SPON1: variants seen among roughly 807,000 people sequenced by gnomAD.
SPON1 encodes the protein spondin 1.
In SPON1, 52 loss-of-function variants were observed where a neutral mutation model predicts 111.7. The ratio of observed to expected loss-of-function variants is 0.47; its 90% CI spans 0.37 to 0.59. SPON1 has a LOEUF of 0.59. Among genes scored for constraint, SPON1 ranks in the 20% least tolerant of loss-of-function variants. The pLI is 0.00. For synonymous variants in SPON1, 410 were observed against 395.8 expected (o/e 1.04, Z -0.43); for missense variants, 957 against 1,068.5 (o/e 0.90, Z 1.46).
chr11:14,154,769 C>T lies in SPON1; in HGVS notation c.825+19201C>T, dbSNP rs184986984. ...AAGTTTTCCAAACTTTTATGCTGTA[C>T]TTCCCTTTTAAGTATAAGTTTTAGT... is the stretch of plus-strand genomic sequence containing the variant. On this transcript the variant is annotated intron_variant, in intron 6 of 15. Transcript: ENST00000576479. Among the ~76,000 whole-genome samples the T allele has an allele frequency of 3.4e-3, 516 of 152,310 alleles. 2 individuals carry two copies. The highest frequency in any genetic ancestry group is 0.011 in the African/African-American group (476 of 41,572).
intron 6 of SPON1, among the ~76,000 whole-genome samples, chr11:14,206,361 T>A (rs1267369411): frequency 1.3e-5 from 2 of 152,136 alleles, no homozygotes; most frequent in African/African-American, 4.8e-5. Context: ...ACCTGGGTAA[T>A]TTTTGTAATT....
At chr11:14,143,041 T>G (rs964681333) in intron 6 of SPON1, among the ~76,000 whole-genome samples, 1 of 152,228 alleles carries the variant, frequency 6.6e-6, no homozygotes, top group African/African-American at 2.4e-5. Flanking sequence ...TGGCCCCAAA[T>G]GGTAGCCATA....
At chr11:14,090,818 T>G (rs1849045544) in intron 5 of SPON1, among the ~76,000 whole-genome samples, 2 of 108,844 alleles carry the variant, frequency 1.8e-5, no homozygotes, top group East Asian at 3.6e-4. Context: ...TTTATTCTCT[T>G]ATCTGGCCCC....
At chr11:14,022,905 A>C (rs537126418) in intron 2 of SPON1, among the ~76,000 whole-genome samples, 43 of 152,358 alleles carry the variant, frequency 2.8e-4, no homozygotes, top group African/African-American at 9.9e-4. Flanking sequence ...AAGCAGGTTC[A>C]TGTAGGTTCA....
At chr11:14,101,357 G>A (rs954383215) in intron 5 of SPON1, among the ~76,000 whole-genome samples, 2 of 152,158 alleles carry the variant, frequency 1.3e-5, no homozygotes, top group South Asian at 4.2e-4. Context: ...CAGAGATCAT[G>A]CCATTGCACT....
chr11:13,998,679 G>C (rs1262533830), intron 2 of SPON1, among the ~76,000 whole-genome samples: 3 of 152,084 alleles, frequency 2.0e-5, no homozygotes, highest in African/African-American at 7.2e-5. Flanking sequence ...GTACTCCCCT[G>C]GCCTCACCAA....
At chr11:14,240,050 A>G (rs1554939525) in intron 6 of SPON1, among the ~76,000 whole-genome samples, 1 of 152,224 alleles carries the variant, frequency 6.6e-6, no homozygotes, top group Non-Finnish European at 1.5e-5. Flanking sequence ...TACGTACATG[A>G]GTCTTCATCA....
rs1387386242 is a variant in SPON1, at chr11:14,135,482, G to T, written c.739G>T (p.Glu247Ter). The T allele has an allele frequency of 6.2e-7, 1 of 1,613,844 alleles. No individual in the cohort carries two copies. The highest frequency in any genetic ancestry group is 1.1e-5 in the South Asian group (1 of 91,080). Residue 247 changes from glutamate to a stop codon, truncating the protein, a stop_gained, in exon 6 of 16, where the codon GAA becomes TAA. Coordinates refer to ENST00000576479, the MANE Select transcript of SPON1 (RefSeq NM_006108.4). LOFTEE classifies it high-confidence loss of function. This position sits in a 1 kb window ranked among gnomAD's most constrained non-coding sequence, Gnocchi z 4.4. ...CCACTCCAAGAATTATGTACTGTGG[G>T]AATATGGAGGATATGCCAGCGAAGG... Reference protein sequence around the residue: ...GSHSKNYVLWEYGGYASEGVK... With the variant: ...GSHSKNYVLW
chr11:14,212,982 A>T lies in SPON1; in HGVS notation c.826-30350A>T, dbSNP rs182399769. ...CAAAATGTGGAAGTGTAGTCCTTAT[A>T]TTCATAGTCAGTAAACACAGTCTCC... On this transcript the variant is annotated intron_variant, in intron 6 of 15. Coordinates refer to ENST00000576479, the MANE Select transcript of SPON1 (RefSeq NM_006108.4). Among the ~76,000 whole-genome samples, 73 of 152,312 alleles carry T rather than the reference A, an allele frequency of 4.8e-4. 1 individual carries two copies. Among genetic ancestry groups the T allele is most frequent in the Non-Finnish European group, 6.3e-4 (43 of 68,034 alleles).
At chr11:14,039,546 A>T (rs1046296985) in intron 2 of SPON1, among the ~76,000 whole-genome samples, 6 of 152,230 alleles carry the variant, frequency 3.9e-5, no homozygotes, top group Non-Finnish European at 8.8e-5. Flanking sequence ...ATGTTTTTTT[A>T]AAAAATGAAG....
At chr11:14,177,544 A>G (rs1325090611) in intron 6 of SPON1, among the ~76,000 whole-genome samples, 2 of 152,112 alleles carry the variant, frequency 1.3e-5, no homozygotes, top group Admixed American at 1.3e-4. Flanking sequence ...AAAATATCTC[A>G]AGCACTGATC....
intron 5 of SPON1, among the ~76,000 whole-genome samples, chr11:14,099,710 A>G (rs1214918220): frequency 6.6e-6 from 1 of 152,162 alleles, no homozygotes; most frequent in Non-Finnish European, 1.5e-5. Flanking sequence ...TTGCATCACT[A>G]TAAAGAAATA....
chr11:13,993,038 G>T (rs1848243446), intron 2 of SPON1, among the ~76,000 whole-genome samples: 1 of 152,000 alleles, frequency 6.6e-6, no homozygotes, highest in Non-Finnish European at 1.5e-5. Flanking sequence ...CTTTAAATTT[G>T]GTTAAAGATT....
At chr11:14,114,720 T>C (rs1222954213) in intron 5 of SPON1, among the ~76,000 whole-genome samples, 1 of 152,174 alleles carries the variant, frequency 6.6e-6, no homozygotes, top group Non-Finnish European at 1.5e-5. Flanking sequence ...GCGGCCCTCC[T>C]CTTTTCTGCT....
At chr11:14,197,841 A>C (rs1462887619) in intron 6 of SPON1, among the ~76,000 whole-genome samples, 1 of 152,094 alleles carries the variant, frequency 6.6e-6, no homozygotes, top group East Asian at 1.9e-4. Context: ...AATAAAAATA[A>C]AAACACAAAA....
At chr11:14,007,070 G>A (rs1554913226) in intron 2 of SPON1, among the ~76,000 whole-genome samples, 1 of 152,110 alleles carries the variant, frequency 6.6e-6, no homozygotes, top group Non-Finnish European at 1.5e-5. Flanking sequence ...GTTTTTCCAT[G>A]GGCTGCAGTA....
intron 5 of SPON1, among the ~76,000 whole-genome samples, chr11:14,095,329 C>T (rs759964999): frequency 6.6e-6 from 1 of 152,014 alleles, no homozygotes; most frequent in Non-Finnish European, 1.5e-5. Flanking sequence ...CTCAATCTAA[C>T]TGCAGAAACA....
intron 2 of SPON1, among the ~76,000 whole-genome samples, chr11:14,028,985 T>C (rs1290479857): frequency 2.0e-5 from 3 of 152,206 alleles, no homozygotes; most frequent in African/African-American, 7.2e-5. Context: ...TCTTTTCTTA[T>C]TGAGGATTAC....
rs1849201688 is a variant in SPON1, at chr11:14,262,744, T to C, written c.2029T>C (p.Trp677Arg). ...IDCELTEWSQWSECNKSCGKG... is the reference protein window; with the variant it reads ...IDCELTEWSQRSECNKSCGKG... ...CTGTGAGCTCACCGAGTGGTCCCAG[T>C]GGTCGGAATGTAACAAGTCATGTGG... Residue 677 changes from tryptophan (W) to arginine (R), a missense_variant, in exon 15 of 16, where the codon TGG (tryptophan) becomes CGG (arginine). Transcript: ENST00000576479. 1 of 1,613,970 alleles carries C rather than the reference T, an allele frequency of 6.2e-7. No homozygotes were observed. The highest frequency in any genetic ancestry group is 8.5e-7 in the Non-Finnish European group (1 of 1,179,876).
Sources: gnomAD v4.1 joint callset for allele counts (sites outside exome capture counted in the v4.1 genomes callset) on GRCh38, gnomAD v4.1.1 for gene constraint, Gnocchi (gnomAD v3.1) non-coding constraint, MANE v1.5 for transcripts, NCBI Gene and HGNC (gene_info 2026-07-23, HGNC 2026-07-21) for gene names.